The following ESRRG variants were observed in gnomAD, a reference collection of about 807,000 sequenced individuals.
ESRRG encodes estrogen related receptor gamma, also known as estrogen-related receptor gamma.
Under a neutral mutation model 44.0 loss-of-function variants are expected in ESRRG, and 13 were observed. The ratio of observed to expected loss-of-function variants is 0.30; its 90% CI spans 0.19 to 0.47. The LOEUF (loss-of-function observed/expected upper bound fraction) is 0.47, where lower values mean the gene tolerates loss of function less well. Ranked by LOEUF, ESRRG falls within the 20% of genes least tolerant of loss-of-function variation. The pLI is 1.00. For synonymous variants in ESRRG, 215 were observed against 214.6 expected, an observed-to-expected ratio of 1.00 and a Z score of -0.02; for missense variants, 395 against 580.6, an observed-to-expected ratio of 0.68 and a Z score of 3.29.
intron 1 of ESRRG, among the ~76,000 whole-genome samples, chr1:217,115,262 G>A (rs1188216490): frequency 4.6e-5 from 7 of 152,150 alleles, no homozygotes; most frequent in African/African-American, 1.7e-4. Flanking sequence ...TTCTTCTTTG[G>A]ATCTTCAGAG....
intron 6 of ESRRG, among the ~76,000 whole-genome samples, chr1:216,516,184 G>A (rs181968024): frequency 2.9e-4 from 44 of 152,096 alleles, no homozygotes; most frequent in Non-Finnish European, 4.0e-4. Context: ...AGAATACATA[G>A]CTTAAATGAG....
intron 5 of ESRRG, among the ~76,000 whole-genome samples, chr1:216,535,608 C>A (rs909950429): frequency 6.6e-6 from 1 of 152,090 alleles, no homozygotes; most frequent in East Asian, 1.9e-4. Context: ...CTAAGGAAGG[C>A]CTTTCCTATG....
chr1:216,568,898 TA>T (rs1294790799), intron 3 of ESRRG, among the ~76,000 whole-genome samples: 1 of 151,790 alleles, frequency 6.6e-6, no homozygotes, highest in Admixed American at 6.6e-5. Context: ...CTACTAAAAA[TA>T]CAAAATTAGC....
chr1:216,753,785 C>T (rs1294572664), intron 2 of ESRRG, among the ~76,000 whole-genome samples: 2 of 151,978 alleles, frequency 1.3e-5, no homozygotes, highest in Admixed American at 6.6e-5. Context: ...TGTATTATGA[C>T]TTTGTATCAG....
intron 5 of ESRRG, among the ~76,000 whole-genome samples, chr1:216,524,653 A>G (rs769037822): frequency 3.0e-4 from 46 of 152,266 alleles, no homozygotes; most frequent in Middle Eastern, 6.8e-3. Context: ...TGTTGATTCC[A>G]TAAGAAATCT....
intron 2 of ESRRG, among the ~76,000 whole-genome samples, chr1:216,670,148 A>G (rs10779274): frequency 0.71 from 108,257 of 152,124 alleles, 40,514 homozygotes; most frequent in Non-Finnish European, 0.82. Flanking sequence ...TCCTTTGGAA[A>G]GTTCATATCA....
chr1:216,844,112 G>T (rs921642371), intron 2 of ESRRG, among the ~76,000 whole-genome samples: 1 of 151,986 alleles, frequency 6.6e-6, no homozygotes, highest in African/African-American at 2.4e-5. Context: ...GAGGAAGAAG[G>T]CTCTGCTTCT....
In ESRRG at chr1:216,546,145, C is replaced by T. The variant is rs1423290751; in HGVS notation, c.862+18074G>A. ...GTCCTGTGCGAGGTAGGCTATTTAGCGGCAGCTCTGGCCTCTACCCACTGG... is the reference window on the plus strand; with the variant it reads ...GTCCTGTGCGAGGTAGGCTATTTAGTGGCAGCTCTGGCCTCTACCCACTGG... On this transcript the variant is annotated intron_variant, in intron 5 of 6. Transcript: ENST00000408911. 2.6e-5 allele frequency among the ~76,000 whole-genome samples: 4 copies of T among 152,020 alleles called. 1 individual carries two copies. Among genetic ancestry groups the T allele is most frequent in the South Asian group, 4.1e-4 (2 of 4,828 alleles).
intron 1 of ESRRG, among the ~76,000 whole-genome samples, chr1:217,122,306 A>G (rs1258460041): frequency 2.6e-5 from 4 of 152,202 alleles, no homozygotes; most frequent in Non-Finnish European, 4.4e-5. Context: ...TGTAGACAGT[A>G]GTAGTTTAAA....
At chr1:216,542,072 C>CAGAGAGAGAGAGAGAGAG (rs3040899) in intron 5 of ESRRG, among the ~76,000 whole-genome samples, 39 of 139,938 alleles carry the variant, frequency 2.8e-4, no homozygotes, top group Admixed American at 6.4e-4. Context: ...GTGTCTATGA[C>CAGAGAGAGAGAGAGAGAG]AGAGAGAGAG....
intron 3 of ESRRG, among the ~76,000 whole-genome samples, chr1:216,629,797 G>A (rs980386353): frequency 3.9e-5 from 6 of 152,158 alleles, no homozygotes; most frequent in African/African-American, 1.4e-4. Context: ...TGTCCTTGGG[G>A]TGGAGACTTA....
chr1:217,122,664 CTTT>C (rs10716545), intron 1 of ESRRG, among the ~76,000 whole-genome samples: 169 of 87,350 alleles, frequency 1.9e-3, no homozygotes, highest in African/African-American at 6.8e-3. Flanking sequence ...GACACACACA[CTTT>C]TTTTTTTTTT....
chr1:216,910,809 G>T (rs1233261384), intron 2 of ESRRG, among the ~76,000 whole-genome samples: 1 of 152,168 alleles, frequency 6.6e-6, no homozygotes, highest in Non-Finnish European at 1.5e-5. Flanking sequence ...AAACTTGCCT[G>T]TGTACATTGA....
At chr1:216,697,311 G>T (rs2151818944) in intron 1 of ESRRG, among the ~76,000 whole-genome samples, 1 of 152,236 alleles carries the variant, frequency 6.6e-6, no homozygotes, top group South Asian at 2.1e-4. Flanking sequence ...ATTAAAATCT[G>T]CATCTGATTT....
At chr1:216,958,613 G>A (rs1301801549) in intron 1 of ESRRG, among the ~76,000 whole-genome samples, 6 of 152,056 alleles carry the variant, frequency 3.9e-5, no homozygotes, top group East Asian at 1.9e-4. Context: ...TTTAAAAAGC[G>A]ATCTTTTAAA....
chr1:216,923,344 T>C (rs541751443), intron 2 of ESRRG, among the ~76,000 whole-genome samples: 2 of 152,336 alleles, frequency 1.3e-5, no homozygotes, highest in East Asian at 1.9e-4. Context: ...TTAACATGCC[T>C]AAACTCCAAA....
intron 2 of ESRRG, among the ~76,000 whole-genome samples, chr1:216,912,916 G>A (rs1385875004): frequency 2.0e-5 from 3 of 151,906 alleles, no homozygotes; most frequent in African/African-American, 7.3e-5. Flanking sequence ...GAGGCCAGTA[G>A]TTCAAAAACA....
At chr1:216,667,004 C>T (rs144834589) in intron 2 of ESRRG, among the ~76,000 whole-genome samples, 2 of 152,230 alleles carry the variant, frequency 1.3e-5, no homozygotes, top group Admixed American at 6.5e-5. Flanking sequence ...ATGATTGAAT[C>T]GGGAACAGGT....
At chr1:216,818,708 A>G (rs540949087) in intron 2 of ESRRG, among the ~76,000 whole-genome samples, 1 of 151,960 alleles carries the variant, frequency 6.6e-6, no homozygotes, top group Non-Finnish European at 1.5e-5. Flanking sequence ...AGATCATCCC[A>G]TCACCCAGGT....
Sources: gnomAD v4.1 joint callset for allele counts (sites outside exome capture counted in the v4.1 genomes callset) on GRCh38, gnomAD v4.1.1 for gene constraint, MANE v1.5 for transcripts, NCBI Gene and HGNC (gene_info 2026-07-23, HGNC 2026-07-21) for gene names.